Variants in DLGAP4 observed in about 807,000 individuals in gnomAD.
The protein encoded by DLGAP4 is DLG associated protein 4.
A neutral mutation model predicts 86.9 loss-of-function variants in DLGAP4; 18 were observed. The ratio of observed to expected loss-of-function variants is 0.21; its 90% CI spans 0.14 to 0.31. The LOEUF is 0.31. DLGAP4 is among the 10% of genes least tolerant of loss of function. The pLI is 1.00. For missense variants in DLGAP4, 1,085 were observed against 1,362.6 expected (o/e 0.80, Z 3.21); for synonymous variants, 548 against 574.3 (o/e 0.95, Z 0.65).
At chr20:36,380,644 AG>A (rs2147443372) in intron 2 of DLGAP4, among the ~76,000 whole-genome samples, 1 of 118,308 alleles carries the variant, frequency 8.5e-6, no homozygotes, top group African/African-American at 3.3e-5. Flanking sequence ...AGAGAGAGAG[AG>A]AGAGAGAGAG....
chr20:36,403,435 A>G (rs568240544), intron 2 of DLGAP4, among the ~76,000 whole-genome samples: 1 of 152,340 alleles, frequency 6.6e-6, no homozygotes, highest in South Asian at 2.1e-4. Flanking sequence ...CAGTCAGACC[A>G]TAGCAGAATG....
intron 3 of DLGAP4, among the ~76,000 whole-genome samples, chr20:36,435,645 A>G (rs1365095019): frequency 1.3e-5 from 2 of 152,118 alleles, no homozygotes; most frequent in African/African-American, 4.8e-5. Context: ...GTCCCCCCTC[A>G]TGCTGATGTG....
At chr20:36,445,769 C>A (rs1291323297) in intron 6 of DLGAP4, among the ~76,000 whole-genome samples, 1 of 152,204 alleles carries the variant, frequency 6.6e-6, no homozygotes, top group Non-Finnish European at 1.5e-5. Flanking sequence ...CCCAGGCCAG[C>A]CCCCAAGATG....
chr20:36,430,201 G>T (rs927263150), intron 2 of DLGAP4, among the ~76,000 whole-genome samples: 45 of 152,214 alleles, frequency 3.0e-4, no homozygotes, highest in Admixed American at 1.4e-3. Context: ...CACAGCAACT[G>T]CACCTAAATG....
At chr20:36,404,977 G>A (rs748078446) in intron 2 of DLGAP4, among the ~76,000 whole-genome samples, 9 of 152,204 alleles carry the variant, frequency 5.9e-5, no homozygotes, top group South Asian at 4.1e-4. Flanking sequence ...TGGAGGAGGC[G>A]GTGTGCGCTG....
rs529567319 is a variant in DLGAP4 at position 36,425,093 on chromosome 20, A to G, written c.-72-6553A>G. Among the ~76,000 whole-genome samples, 3 of 152,304 alleles carry G rather than the reference A, an allele frequency of 2.0e-5. No homozygotes were observed. In the East Asian group the frequency reaches 5.8e-4, roughly 29 times the overall value. On this transcript the variant is annotated intron_variant, in intron 2 of 12. Transcript: ENST00000339266. ...GCTAATGGGGAAGGAAAGAGCGAGT[A>G]AGTGGTCAGTCCTGGAAGAGGAGAA...
At chr20:36,378,908 G>A (rs944215648) in intron 2 of DLGAP4, among the ~76,000 whole-genome samples, 9 of 152,170 alleles carry the variant, frequency 5.9e-5, no homozygotes, top group Admixed American at 5.2e-4. Flanking sequence ...TCCTGAGTGA[G>A]CCCAAGTACC....
At chr20:36,487,768 C>A (rs937793056) in intron 7 of DLGAP4, among the ~76,000 whole-genome samples, 1 of 152,180 alleles carries the variant, frequency 6.6e-6, no homozygotes, top group Non-Finnish European at 1.5e-5. Context: ...TCTCCTTAAT[C>A]CAGAAACCAT....
intron 10 of DLGAP4, among the ~76,000 whole-genome samples, chr20:36,512,095 G>A (rs1388841452): frequency 7.0e-6 from 1 of 142,024 alleles, no homozygotes; most frequent in Admixed American, 7.3e-5. Flanking sequence ...CTGTTGCCCA[G>A]GCTAGAGTGC....
intron 1 of DLGAP4, among the ~76,000 whole-genome samples, chr20:36,321,670 A>C (rs566187003): frequency 6.6e-6 from 1 of 152,026 alleles, no homozygotes; most frequent in Non-Finnish European, 1.5e-5. Flanking sequence ...TTAATATGCC[A>C]CCCACTGGGG....
At chr20:36,416,740 A>ATTT (rs2032665223) in intron 2 of DLGAP4, among the ~76,000 whole-genome samples, 1 of 152,098 alleles carries the variant, frequency 6.6e-6, no homozygotes, top group Non-Finnish European at 1.5e-5. Context: ...TTGGCTAAGG[A>ATTT]TAGGGTGTTT....
chr20:36,481,308 G>C (rs1463785851), intron 7 of DLGAP4, among the ~76,000 whole-genome samples: 1 of 152,232 alleles, frequency 6.6e-6, no homozygotes, highest in East Asian at 1.9e-4. Flanking sequence ...TCTGATTGTA[G>C]TGTGACCCTC....
chr20:36,389,268 G>A lies in DLGAP4; in HGVS notation c.-73+21993G>A, dbSNP rs6093819. On this transcript the variant is annotated intron_variant, in intron 2 of 12. Transcript: ENST00000339266. ...CCTTTTCCTCTGCTATTGCATAGACGTAGTTTTATTCTGAGAGGTAGGACA... is the reference window on the plus strand; with the variant it reads ...CCTTTTCCTCTGCTATTGCATAGACATAGTTTTATTCTGAGAGGTAGGACA... 9.5e-3 allele frequency among the ~76,000 whole-genome samples: 1,451 copies of A among 152,284 alleles called. 24 individuals carry two copies. Among genetic ancestry groups the A allele is most frequent in the African/African-American group, 0.033 (1,361 of 41,546 alleles).
chr20:36,444,303 G>A (rs2033532418), intron 6 of DLGAP4, among the ~76,000 whole-genome samples: 1 of 152,104 alleles, frequency 6.6e-6, no homozygotes, highest in South Asian at 2.1e-4. Flanking sequence ...ACTTATTTTT[G>A]AGATAGGGTC....
intron 2 of DLGAP4, among the ~76,000 whole-genome samples, chr20:36,371,755 G>GTT (rs888804134): frequency 6.8e-6 from 1 of 146,828 alleles, no homozygotes. Context: ...AGAGGTTTTT[G>GTT]TTTTTTTTTT....
In DLGAP4 at chr20:36,431,272, G is replaced by C. The variant is rs950345881; in HGVS notation, c.-72-374G>C. 6.6e-6 allele frequency among the ~76,000 whole-genome samples: 1 copy of C among 152,064 alleles called. No individual in the cohort carries two copies. The highest frequency in any genetic ancestry group is 1.5e-5 in the Non-Finnish European group (1 of 68,010). ...GGTATTTGCATCTATGTGGACCCTC[G>C]GGGTGAGGGACAGAGTCAGAAACGG... On this transcript the variant is annotated intron_variant, in intron 2 of 12. Transcript: ENST00000339266. The surrounding 1 kb of genome is among the most constrained non-coding windows in gnomAD (Gnocchi z 5.1).
intron 10 of DLGAP4, among the ~76,000 whole-genome samples, chr20:36,517,325 C>G (rs73618591): frequency 6.6e-6 from 1 of 152,100 alleles, no homozygotes; most frequent in Non-Finnish European, 1.5e-5. Context: ...TTGCAGTGAG[C>G]TGAGATTGCG....
intron 10 of DLGAP4, chr20:36,512,637 T>C (rs964797586): frequency 3.3e-5 from 5 of 152,304 alleles, no homozygotes; most frequent in Admixed American, 3.3e-4. Context: ...AGCAGTATAG[T>C]GTCCACTGCA....
At chr20:36,486,545 A>T (rs1025542316) in intron 7 of DLGAP4, among the ~76,000 whole-genome samples, 154 of 110,430 alleles carry the variant, frequency 1.4e-3, no homozygotes, top group East Asian at 8.6e-4. Context: ...GGAATTAGGG[A>T]GGGGAGGGTG....
Sources: allele counts gnomAD v4.1 joint callset (sites outside exome capture counted in the v4.1 genomes callset), GRCh38; gene constraint gnomAD v4.1.1; non-coding constraint Gnocchi (gnomAD v3.1); transcripts MANE v1.5; gene names NCBI Gene and HGNC (gene_info 2026-07-23, HGNC 2026-07-21).